Variants in CHST3 observed in about 807,000 individuals in gnomAD.
CHST3 encodes the protein C6ST-1.
Under a neutral mutation model 35.4 loss-of-function variants are expected in CHST3, and 20 were observed. That is an observed-to-expected ratio of 0.57 (90% CI 0.40 to 0.82). The LOEUF is 0.82. Ranked by LOEUF, CHST3 falls within the 40% of genes least tolerant of loss-of-function variation. CHST3 has a pLI of 0.00. For synonymous variants in CHST3, 334 were observed against 295.9 expected, an observed-to-expected ratio of 1.13 and a Z score of -1.32; for missense variants, 693 against 670.1, an observed-to-expected ratio of 1.03 and a Z score of -0.38.
At chr10:71,987,354 G>C (rs556153373) in intron 1 of CHST3, among the ~76,000 whole-genome samples, 2 of 152,200 alleles carry the variant, frequency 1.3e-5, no homozygotes, top group East Asian at 3.9e-4. Flanking sequence ...CCTTCCTGCT[G>C]TCAATGGGAC....
intron 1 of CHST3, among the ~76,000 whole-genome samples, chr10:71,977,135 A>G (rs1839753582): frequency 6.6e-6 from 1 of 152,214 alleles, no homozygotes; most frequent in Non-Finnish European, 1.5e-5. Context: ...GACTGTTATT[A>G]TGATAACGAT....
At chr10:71,974,613 A>G (rs960829637) in intron 1 of CHST3, among the ~76,000 whole-genome samples, 1 of 152,186 alleles carries the variant, frequency 6.6e-6, no homozygotes, top group Non-Finnish European at 1.5e-5. Flanking sequence ...AGGCTACAGC[A>G]TACAGCTCAC....
In CHST3 at chr10:72,006,298, G is replaced by A. The variant is rs79091175; in HGVS notation, c.140+316G>A. 7.8e-3 allele frequency among the ~76,000 whole-genome samples: 1,188 copies of A among 152,298 alleles called. 20 individuals carry two copies. The highest frequency in any genetic ancestry group is 0.027 in the African/African-American group (1,140 of 41,540). On this transcript the variant is annotated intron_variant, in intron 2 of 2. Transcript: ENST00000373115. ...TTTTGTAAAACATGGCTAATAATGG[G>A]ACCAGCATTGTTGTAAAGATTAAAT...
At chr10:71,971,474 G>A (rs541043761) in intron 1 of CHST3, among the ~76,000 whole-genome samples, 7 of 152,266 alleles carry the variant, frequency 4.6e-5, no homozygotes, top group South Asian at 2.1e-4. Context: ...ATGCTGCGCC[G>A]ATGCCCGCCT....
At position 72,008,262 on chromosome 10, in the gene CHST3, G is replaced by A. The variant is rs1840068446; in HGVS notation, c.1231G>A (p.Gly411Ser). ...AAAGAACACGCAGGCGGCCCACGAC[G>A]GCAGCGGCATCTACTCCACGCAGAA... ...IQKNTQAAHDGSGIYSTQKNS... is the reference protein window; with the variant it reads ...IQKNTQAAHDSSGIYSTQKNS... Residue 411 changes from glycine to serine, a missense_variant, in exon 3 of 3, where the codon GGC becomes AGC. By Grantham distance (56) the Gly-to-Ser change is moderately conservative. Coordinates refer to ENST00000373115, the MANE Select transcript of CHST3 (RefSeq NM_004273.5). 6.3e-7 allele frequency: 1 copy of A among 1,581,116 alleles called. No homozygotes were observed. The highest frequency in any genetic ancestry group is 8.6e-7 in the Non-Finnish European group (1 of 1,164,122).
At chr10:71,984,475 GCC>G (rs1839828668) in intron 1 of CHST3, among the ~76,000 whole-genome samples, 2 of 152,176 alleles carry the variant, frequency 1.3e-5, no homozygotes, top group Admixed American at 1.3e-4. Context: ...TTAACACAAA[GCC>G]ACACCACAAG....
chr10:71,973,238 C>T (rs568551511), intron 1 of CHST3, among the ~76,000 whole-genome samples: 31 of 152,272 alleles, frequency 2.0e-4, no homozygotes, highest in African/African-American at 7.2e-4. Flanking sequence ...GTCATTACCC[C>T]ATGGGTATTG....
chr10:71,979,501 C>A (rs1162290233), intron 1 of CHST3, among the ~76,000 whole-genome samples: 3 of 151,702 alleles, frequency 2.0e-5, no homozygotes, highest in African/African-American at 7.3e-5. Flanking sequence ...AGGGTTTGGG[C>A]TCGGCCTTAA....
chr10:71,977,068 C>T (rs182201718), intron 1 of CHST3, among the ~76,000 whole-genome samples: 13 of 152,330 alleles, frequency 8.5e-5, no homozygotes, highest in Admixed American at 5.2e-4. Flanking sequence ...GAGGCACAAC[C>T]TGAAAAATAA....
chr10:71,993,470 C>T (rs1839915352), intron 1 of CHST3, among the ~76,000 whole-genome samples: 1 of 152,016 alleles, frequency 6.6e-6, no homozygotes, highest in East Asian at 1.9e-4. Flanking sequence ...CACTTCTTAG[C>T]ATCCACTTCT....
intron 1 of CHST3, among the ~76,000 whole-genome samples, chr10:71,975,769 G>A (rs371761891): frequency 6.6e-6 from 1 of 152,246 alleles, no homozygotes; most frequent in Non-Finnish European, 1.5e-5. Flanking sequence ...AGCTGCTGCT[G>A]CAACTCACAG....
intron 1 of CHST3, among the ~76,000 whole-genome samples, chr10:71,989,884 G>A (rs981106380): frequency 6.6e-6 from 1 of 152,174 alleles, no homozygotes; most frequent in Non-Finnish European, 1.5e-5. Flanking sequence ...GTCTTGAACA[G>A]CATTTTATGT....
At chr10:71,997,183 G>A (rs952141522) in intron 1 of CHST3, among the ~76,000 whole-genome samples, 2 of 152,016 alleles carry the variant, frequency 1.3e-5, no homozygotes, top group African/African-American at 4.8e-5. Context: ...TTGCAGAACC[G>A]AAACTGTCCC....
chr10:72,008,515 C>G lies in CHST3; in HGVS notation c.*44C>G, dbSNP rs1338073031. ...TGCCCCTCCTCGTGAAAGGCCTGCC[C>G]CGTCTTTCTGCCGCAGCCCTCGCAG... On this transcript the variant is annotated 3_prime_UTR_variant, in exon 3 of 3. Coordinates refer to ENST00000373115, the MANE Select transcript of CHST3 (RefSeq NM_004273.5). 8.2e-6 allele frequency: 12 copies of G among 1,464,494 alleles called. No individual in the cohort carries two copies. The East Asian group carries it at 2.7e-4, about 33-fold the overall frequency. 90.7% of individuals were successfully genotyped at this position (1,464,494 alleles called of 1,614,324 possible). A position where few individuals can be genotyped will look rare whatever the true frequency, so the allele number is the denominator to read the frequency against.
intron 1 of CHST3, among the ~76,000 whole-genome samples, chr10:71,969,573 C>T (rs1341593355): frequency 6.6e-6 from 1 of 152,218 alleles, no homozygotes; most frequent in African/African-American, 2.4e-5. Context: ...CACAGGAAGC[C>T]CACCTGGGTG....
At position 72,007,930 on chromosome 10, in the gene CHST3, TGC is replaced by T; in HGVS notation, c.903_904del (p.Asp302ProfsTer17). On this transcript the variant is annotated frameshift_variant, in exon 3 of 3. Coordinates refer to ENST00000373115, the MANE Select transcript of CHST3 (RefSeq NM_004273.5). LOFTEE classifies it high-confidence loss of function. ...CTGGACCTGCGCGTCATCCAGCTGG[TGC>T]GCGACCCCCGGGCCGTGCTGGCCTC... 1.3e-6 allele frequency: 2 copies of T among 1,553,122 alleles called. No individual in the cohort carries two copies. The highest frequency in any genetic ancestry group is 1.7e-6 in the Non-Finnish European group (2 of 1,148,610).
chr10:71,984,593 T>C (rs900652377), intron 1 of CHST3, among the ~76,000 whole-genome samples: 2 of 152,170 alleles, frequency 1.3e-5, no homozygotes, highest in Non-Finnish European at 2.9e-5. Flanking sequence ...ACACAGAGCA[T>C]AGTGGTTGAA....
intron 1 of CHST3, among the ~76,000 whole-genome samples, chr10:72,001,779 G>C (rs1208691274): frequency 6.6e-6 from 1 of 152,138 alleles, no homozygotes; most frequent in Non-Finnish European, 1.5e-5. Context: ...CCGGATGAAA[G>C]GTATTGAGTA....
intron 1 of CHST3, among the ~76,000 whole-genome samples, chr10:72,004,041 T>C (rs1029248293): frequency 2.6e-5 from 4 of 151,788 alleles, no homozygotes; most frequent in African/African-American, 9.7e-5. Flanking sequence ...CTGGGCGCAG[T>C]GATGCATGCC....
Sources: gnomAD v4.1 joint callset for allele counts (sites outside exome capture counted in the v4.1 genomes callset) on GRCh38, gnomAD v4.1.1 for gene constraint, MANE v1.5 for transcripts, NCBI Gene and HGNC (gene_info 2026-07-23, HGNC 2026-07-21) for gene names.